Variants in RPS6KA6 observed in about 807,000 individuals in gnomAD.
RPS6KA6 encodes the protein ribosomal protein S6 kinase A6.
In RPS6KA6, 27 loss-of-function variants were observed where a neutral mutation model predicts 65.4. That is an observed-to-expected ratio of 0.41 (90% CI 0.30 to 0.57). RPS6KA6 has a LOEUF of 0.57. Among genes scored for constraint, RPS6KA6 ranks in the 20% least tolerant of loss-of-function variants. RPS6KA6 has a pLI of 0.24. For synonymous variants in RPS6KA6, 190 were observed against 184.2 expected (o/e 1.03, Z -0.26); for missense variants, 486 against 555.6 (o/e 0.87, Z 1.26).
At chrX:84,092,885 G>T (rs1001925363) in intron 20 of RPS6KA6, among the ~76,000 whole-genome samples, 4 of 111,577 alleles carry the variant, frequency 3.6e-5, no homozygotes, top group Non-Finnish European at 7.5e-5. Flanking sequence ...GTATGCTCAG[G>T]TTCACTGAAG....
At chrX:84,158,485 TC>T (rs2035452823) in intron 2 of RPS6KA6, among the ~76,000 whole-genome samples, 1 of 111,231 alleles carries the variant, frequency 9.0e-6, no homozygotes, top group African/African-American at 3.3e-5. Context: ...GGAGATTCAT[TC>T]TGGCTAATGA....
intron 3 of RPS6KA6, among the ~76,000 whole-genome samples, chrX:84,151,413 C>T (rs1602465267): frequency 1.8e-5 from 2 of 109,565 alleles, no homozygotes; most frequent in Admixed American, 9.9e-5. Context: ...ATACATTTGC[C>T]TAAATTCAAT....
intron 20 of RPS6KA6, among the ~76,000 whole-genome samples, chrX:84,080,842 T>C (rs1024760460): frequency 1.8e-5 from 2 of 110,896 alleles, no homozygotes; most frequent in Admixed American, 1.9e-4. Context: ...ACCACACAAC[T>C]ACATGGAAAG....
At chrX:84,120,451 A>G (rs2034649848) in intron 8 of RPS6KA6, among the ~76,000 whole-genome samples, 1 of 111,764 alleles carries the variant, frequency 8.9e-6, no homozygotes, top group African/African-American at 3.2e-5. Context: ...GCCTTCAAGG[A>G]GCTAAAGATG....
At chrX:84,084,637 T>C (rs377112561) in intron 20 of RPS6KA6, among the ~76,000 whole-genome samples, 5 of 112,468 alleles carry the variant, frequency 4.4e-5, no homozygotes, top group African/African-American at 1.6e-4. Flanking sequence ...TGAAGTCAAG[T>C]AGTGTGATGC....
At chrX:84,181,666 C>T (rs1383576372) in intron 1 of RPS6KA6, among the ~76,000 whole-genome samples, 2 of 111,017 alleles carry the variant, frequency 1.8e-5, no homozygotes, top group Non-Finnish European at 3.8e-5. Context: ...TGCCCAGGCC[C>T]CCTCTAGATT....
intron 20 of RPS6KA6, among the ~76,000 whole-genome samples, chrX:84,072,137 G>T (rs1009194582): frequency 2.7e-5 from 3 of 111,396 alleles, no homozygotes; most frequent in African/African-American, 9.8e-5. Flanking sequence ...TAGGCCAATA[G>T]CCTTAAAGAA....
At chrX:84,101,984 A>G in intron 18 of RPS6KA6, 53 bp downstream of exon 18, 1 of 1,017,557 alleles carries the variant, frequency 9.8e-7, no homozygotes, top group South Asian at 2.7e-5. Flanking sequence ...CATCATATAG[A>G]TTCAACTAAA....
intron 6 of RPS6KA6, among the ~76,000 whole-genome samples, chrX:84,136,616 C>T (rs938632157): frequency 3.6e-5 from 4 of 111,047 alleles, no homozygotes; most frequent in Non-Finnish European, 7.6e-5. Flanking sequence ...CGTAAGAAAA[C>T]CCTAAATAAA....
At chrX:84,150,353 C>G (rs1458168408) in intron 3 of RPS6KA6, among the ~76,000 whole-genome samples, 1 of 111,753 alleles carries the variant, frequency 8.9e-6, no homozygotes, top group Non-Finnish European at 1.9e-5. Flanking sequence ...TTTGCATTCA[C>G]AACTTGGCTG....
At position 84,120,946 on chromosome X, in the gene RPS6KA6, C is replaced by T. The variant is rs762819281; in HGVS notation, c.647-919G>A. On this transcript the variant is annotated intron_variant, in intron 8 of 21. Transcript: ENST00000262752. ...TACGGTAATCAAGATAGTGGGGTAC[C>T]GGAAAAAGGTTGGACATATATATCA... 1.2e-4 allele frequency among the ~76,000 whole-genome samples: 13 copies of T among 111,816 alleles called. No individual in the cohort carries two copies. In the East Asian group the frequency reaches 2.8e-3, roughly 24 times the overall value.
intron 8 of RPS6KA6, among the ~76,000 whole-genome samples, chrX:84,128,572 A>T (rs1276448265): frequency 8.9e-6 from 1 of 111,737 alleles, no homozygotes; most frequent in Non-Finnish European, 1.9e-5. Flanking sequence ...AAAGAACAAA[A>T]CTGGAGGAAT....
At chrX:84,086,002 G>C (rs1219092382) in intron 20 of RPS6KA6, among the ~76,000 whole-genome samples, 1 of 111,735 alleles carries the variant, frequency 8.9e-6, no homozygotes, top group Non-Finnish European at 1.9e-5. Flanking sequence ...TGTGGGATCA[G>C]TGGTGATATC....
chrX:84,066,333 G>A (rs1003742498), intron 20 of RPS6KA6, among the ~76,000 whole-genome samples: 5 of 107,204 alleles, frequency 4.7e-5, no homozygotes, highest in Non-Finnish European at 9.6e-5. Flanking sequence ...CCACTCCCAC[G>A]GAGTCCAGCA....
chrX:84,182,565 A>G (rs959915131), intron 1 of RPS6KA6, among the ~76,000 whole-genome samples: 2 of 111,885 alleles, frequency 1.8e-5, no homozygotes, highest in African/African-American at 6.5e-5. Flanking sequence ...GGCCCAGAAA[A>G]GCAACTACAC....
intron 6 of RPS6KA6, among the ~76,000 whole-genome samples, chrX:84,141,948 C>T (rs2035111855): frequency 9.0e-6 from 1 of 111,283 alleles, no homozygotes; most frequent in African/African-American, 3.3e-5. Flanking sequence ...CAATCCTTGT[C>T]TCAAAAATTT....
rs1022740314 is a variant in RPS6KA6, at chrX:84,063,803, G to A, written c.*474C>T. The A allele has an allele frequency of 9.0e-6, 1 of 111,500 alleles. No individual in the cohort carries two copies. Among genetic ancestry groups the A allele is most frequent in the Non-Finnish European group, 1.9e-5 (1 of 53,088 alleles). 9.2% of individuals were successfully genotyped at this position (111,500 alleles called of 1,213,427 possible). The stretch of plus-strand genomic sequence containing the variant: ...AATGAATGGAGTCCTTTGGTTTTAC[G>A]GAATAACAAGCTTTTATAATAAGTT... On this transcript the variant is annotated 3_prime_UTR_variant, in exon 22 of 22. Coordinates refer to ENST00000262752, the MANE Select transcript of RPS6KA6 (RefSeq NM_014496.5).
chrX:84,097,924 T>C, intron 18 of RPS6KA6, 76 bp from the exon 19 acceptor site: 1 of 700,354 alleles, frequency 1.4e-6, no homozygotes, highest in Non-Finnish European at 2.1e-6. Flanking sequence ...GTTTTACTTC[T>C]AATAATCTCA....
At chrX:84,120,161 G>A (rs1196280430) in intron 8 of RPS6KA6, 134 bp from the exon 9 acceptor site, 1 of 374,094 alleles carries the variant, frequency 2.7e-6, no homozygotes, top group African/African-American at 2.6e-5. Flanking sequence ...GAAAGTTCCT[G>A]TGAGATCAAT....
Sources: gnomAD v4.1 joint callset for allele counts (sites outside exome capture counted in the v4.1 genomes callset) on GRCh38, gnomAD v4.1.1 for gene constraint, MANE v1.5 for transcripts, NCBI Gene and HGNC (gene_info 2026-07-23, HGNC 2026-07-21) for gene names.